Variants in SNX20 observed in about 807,000 individuals in gnomAD.
SNX20 encodes the protein sorting nexin 20.
A neutral mutation model predicts 24.5 loss-of-function variants in SNX20; 21 were observed. The ratio of observed to expected loss-of-function variants is 0.86; its 90% CI spans 0.61 to 1.23. The LOEUF (loss-of-function observed/expected upper bound fraction) is 1.23, where lower values mean the gene tolerates loss of function less well. Among genes scored for constraint, SNX20 ranks in the 50% most tolerant of loss-of-function variants. The pLI is 0.00. For synonymous variants in SNX20, 206 were observed against 192.8 expected (o/e 1.07, Z -0.57); for missense variants, 433 against 430.8 (o/e 1.00, Z -0.04).
chr16:50,677,462 C>T lies in SNX20; in HGVS notation c.65G>A (p.Arg22Lys). ...AGTGGCTGGTGCTTCCTGCTGGGTC[C>T]TTGCCGTGCACTGGGTTATGGGTCC... ...CMGPITQCTA[R>K]TQQEAPATGP... The change falls in exon 2 of 4, where the codon AGG becomes AAG. Residue 22 changes from arginine (R) to lysine (K), a missense_variant. Physicochemically the swap from Arg to Lys is conservative, Grantham distance 26. Transcript: ENST00000330943. 1.2e-6 allele frequency: 2 copies of T among 1,610,248 alleles called. No homozygotes were observed. Among genetic ancestry groups the T allele is most frequent in the Non-Finnish European group, 1.7e-6 (2 of 1,178,154 alleles).
rs1963112096 is a variant in SNX20, at chr16:50,673,738, G to A, written c.619C>T (p.Leu207=). 9 of 1,505,096 alleles carry A rather than the reference G, an allele frequency of 6.0e-6. No homozygotes were observed. The highest frequency in any genetic ancestry group is 7.9e-6 in the Non-Finnish European group (9 of 1,134,586). The allele number at this position is 1,505,096 out of a possible 1,614,324, so 93.2% of individuals were successfully genotyped here. The change falls in exon 4 of 4, where the codon CTG becomes TTG. Residue 207 remains leucine, a synonymous_variant. Transcript: ENST00000330943. This position sits in a 1 kb window ranked among gnomAD's most constrained non-coding sequence, Gnocchi z 4.1. ...TGCAGCGGCAGCACGCGCAGCAGCAGCTCCAGGGCGCGCGGGTACTGGCCG... is the reference window on the plus strand; with the variant it reads ...TGCAGCGGCAGCACGCGCAGCAGCAACTCCAGGGCGCGCGGGTACTGGCCG... ...RAGQYPRALE[L]LLRVLPLQEK... is the part of the protein sequence containing the mutation.
chr16:50,673,644 C>T lies in SNX20; in HGVS notation c.713G>A (p.Arg238His). 1.1e-5 allele frequency: 17 copies of T among 1,530,674 alleles called. No individual in the cohort carries two copies. Among genetic ancestry groups the T allele is most frequent in the Non-Finnish European group, 1.5e-5 (17 of 1,148,804 alleles). 94.8% of individuals were successfully genotyped at this position (1,530,674 alleles called of 1,614,324 possible). A position where few individuals can be genotyped will look rare whatever the true frequency, so the allele number is the denominator to read the frequency against. Reference protein sequence around the residue: ...PALCAVLLCHRDLDRPAEAFA... With the variant: ...PALCAVLLCHHDLDRPAEAFA... ...GGCCTCGGCGGGGCGGTCGAGGTCG[C>T]GGTGGCACAGCAGCACGGCGCACAG... The change falls in exon 4 of 4, where the codon CGC (arginine) becomes CAC (histidine). Residue 238 changes from arginine (R) to histidine (H), a missense_variant. Arg to His is a conservative substitution (Grantham distance 29). Coordinates refer to ENST00000330943, the MANE Select transcript of SNX20 (RefSeq NM_182854.4). The surrounding 1 kb of genome is among the most constrained non-coding windows in gnomAD (Gnocchi z 4.1).
intron 1 of SNX20, among the ~76,000 whole-genome samples, chr16:50,679,336 C>T (rs1284757191): frequency 6.6e-6 from 1 of 152,206 alleles, no homozygotes; most frequent in Non-Finnish European, 1.5e-5. Flanking sequence ...GTGAGAGCCG[C>T]TGGCCTGGGA....
At chr16:50,669,143 C>T (rs1475085222), downstream of SNX20, 15 of 1,306,026 alleles carry the variant, frequency 1.1e-5, no homozygotes, top group Admixed American at 2.8e-4. Context: ...GCCTTGATTT[C>T]CCCATCTGTA....
At chr16:50,678,290 C>A (rs1963227954) in intron 1 of SNX20, among the ~76,000 whole-genome samples, 1 of 152,194 alleles carries the variant, frequency 6.6e-6, no homozygotes, top group Non-Finnish European at 1.5e-5. Context: ...TATCTATCAG[C>A]AAAATTAACT....
chr16:50,680,892 T>A (rs1177317389), intron 1 of SNX20, among the ~76,000 whole-genome samples: 1 of 152,240 alleles, frequency 6.6e-6, no homozygotes, highest in African/African-American at 2.4e-5. Flanking sequence ...AAGGCTGTGC[T>A]GAGGCAGGGG....
In SNX20 at chr16:50,673,455, G is replaced by C; in HGVS notation, c.902C>G (p.Pro301Arg). Residue 301 changes from proline to arginine, a missense_variant, in exon 4 of 4, where the codon CCC becomes CGC. Coordinates refer to ENST00000330943, the MANE Select transcript of SNX20 (RefSeq NM_182854.4). The surrounding 1 kb of genome is among the most constrained non-coding windows in gnomAD (Gnocchi z 4.1). ...GAGCTCCTTCAGGGTGATGCCTCGG[G>C]GCGTGGGCCTCCGGAGCTGGCTCTC... Reference protein sequence around the residue: ...LEESQLRRPTPRGITLKELTV... With the variant: ...LEESQLRRPTRRGITLKELTV... 6.3e-7 allele frequency: 1 copy of C among 1,598,626 alleles called. No homozygotes were observed. The highest frequency in any genetic ancestry group is 8.5e-7 in the Non-Finnish European group (1 of 1,173,330).
chr16:50,667,999 T>G, downstream of SNX20: 1 of 1,551,412 alleles, frequency 6.4e-7, no homozygotes, highest in East Asian at 2.4e-5. Context: ...GCTCGCTCCA[T>G]CTGAGGGTCT....
At chr16:50,671,090 A>ACCCC (rs1963039969), downstream of SNX20, 3 of 72,040 alleles carry the variant, frequency 4.2e-5, no homozygotes, top group Non-Finnish European at 5.9e-5. Context: ...CCCCCCCAAC[A>ACCCC]CCCCACACAT....
At chr16:50,676,592 C>G (rs1453173088) in intron 2 of SNX20, among the ~76,000 whole-genome samples, 1 of 152,204 alleles carries the variant, frequency 6.6e-6, no homozygotes, top group African/African-American at 2.4e-5. Flanking sequence ...GGGTCCCAGC[C>G]CTTTTCCAGT....
chr16:50,676,523 G>A (rs958717690), intron 2 of SNX20, among the ~76,000 whole-genome samples: 1 of 152,094 alleles, frequency 6.6e-6, no homozygotes, highest in East Asian at 1.9e-4. Context: ...CTTGAGCCCT[G>A]CGCCACTCTG....
At chr16:50,677,955 C>A (rs1261457770) in intron 1 of SNX20, among the ~76,000 whole-genome samples, 1 of 152,072 alleles carries the variant, frequency 6.6e-6, no homozygotes, top group African/African-American at 2.4e-5. Flanking sequence ...GCCTGTAATC[C>A]CAGCGCTTTG....
chr16:50,666,653 TTCTGCCCAAG>T (rs1294935794), downstream of SNX20: 10 of 152,310 alleles, frequency 6.6e-5, no homozygotes, highest in Non-Finnish European at 1.2e-4. Flanking sequence ...AAGACATGAT[TTCTGCCCAAG>T]TCTGCCCTGA....
intron 1 of SNX20, among the ~76,000 whole-genome samples, chr16:50,680,422 C>T (rs2270369): frequency 4.6e-5 from 7 of 151,540 alleles, no homozygotes; most frequent in Admixed American, 4.6e-4. Context: ...CCAGCCTCCT[C>T]TGCCTTCCAG....
At position 50,671,786 on chromosome 16, in the gene SNX20, A is replaced by G. The variant is rs1217729376; in HGVS notation, c.*1620T>C. On this transcript the variant is annotated 3_prime_UTR_variant, in exon 4 of 4. Transcript: ENST00000330943. Reference sequence around the variant, plus strand: ...TTTGAGGGATATCTGTCCAAAGATGAGACAGTCTGTTTCTAGTTTCCCATC... The same window carrying G: ...TTTGAGGGATATCTGTCCAAAGATGGGACAGTCTGTTTCTAGTTTCCCATC... 2.0e-5 allele frequency: 3 copies of G among 152,182 alleles called. No individual in the cohort carries two copies. The highest frequency in any genetic ancestry group is 7.2e-5 in the African/African-American group (3 of 41,444). The allele number at this position is 152,182 out of a possible 1,614,324, so 9.4% of individuals were successfully genotyped here.
Position 50,673,862 on chromosome 16 carries a change from C to T in SNX20, c.495G>A (p.Leu165=). 1.2e-6 allele frequency: 2 copies of T among 1,605,986 alleles called. No homozygotes were observed. The highest frequency in any genetic ancestry group is 2.7e-5 in the African/African-American group (2 of 75,020). ...CERRRALQEY[L]GLLYAIRCVR... ...CGCAGCGGATGGCGTAGAGCAGGCC[C>T]AGGTACTCCTGCAGGGCGCGCCGAC... The change falls in exon 4 of 4, where the codon CTG becomes CTA. Residue 165 remains leucine (L), a synonymous_variant. Coordinates refer to ENST00000330943, the MANE Select transcript of SNX20 (RefSeq NM_182854.4). This position sits in a 1 kb window ranked among gnomAD's most constrained non-coding sequence, Gnocchi z 4.1.
chr16:50,674,225 G>GTTTATTTATTTA (rs1197433659), intron 3 of SNX20, 151 bp from the exon 4 acceptor site: 50 of 885,452 alleles, frequency 5.6e-5, no homozygotes, highest in African/African-American at 5.1e-4. Flanking sequence ...TTGTTTGTTT[G>GTTTATTTATTTA]TTTGTTTATT....
At position 50,674,076 on chromosome 16, in the gene SNX20, T is replaced by A; in HGVS notation, c.283-2A>T. The A allele has an allele frequency of 6.3e-7, 1 of 1,590,800 alleles. No individual in the cohort carries two copies. Among genetic ancestry groups the A allele is most frequent in the Non-Finnish European group, 8.6e-7 (1 of 1,167,140 alleles). On this transcript the variant is annotated splice_acceptor_variant, in intron 3 of 3. Coordinates refer to ENST00000330943, the MANE Select transcript of SNX20 (RefSeq NM_182854.4). LOFTEE classifies it high-confidence loss of function. Reference sequence around the variant, plus strand: ...CTGGATGACGATGATTTGGTACACCTAGGGCGCAACCAGAGAGAGCTGTGG... The same window carrying A: ...CTGGATGACGATGATTTGGTACACCAAGGGCGCAACCAGAGAGAGCTGTGG...
chr16:50,673,262 C>A lies in SNX20; in HGVS notation c.*144G>T. The A allele has an allele frequency of 7.8e-7, 1 of 1,282,116 alleles. No homozygotes were observed. Among genetic ancestry groups the A allele is most frequent in the African/African-American group, 1.5e-5 (1 of 64,760 alleles). The allele number at this position is 1,282,116 out of a possible 1,614,324, so 79.4% of individuals were successfully genotyped here. ...GCTGCAGTGAGACATAATTGAGCCA[C>A]TGCACTTCAGTCTGGGTGACAGAGC... On this transcript the variant is annotated 3_prime_UTR_variant, in exon 4 of 4. Coordinates refer to ENST00000330943, the MANE Select transcript of SNX20 (RefSeq NM_182854.4). This position sits in a 1 kb window ranked among gnomAD's most constrained non-coding sequence, Gnocchi z 4.1.
Sources: allele counts gnomAD v4.1 joint callset (sites outside exome capture counted in the v4.1 genomes callset), GRCh38; gene constraint gnomAD v4.1.1; non-coding constraint Gnocchi (gnomAD v3.1); transcripts MANE v1.5; gene names NCBI Gene and HGNC (gene_info 2026-07-23, HGNC 2026-07-21).